Variants in PPIL4 observed in about 807,000 individuals in gnomAD.
PPIL4 encodes the protein peptidylprolyl isomerase like 4.
In PPIL4, 50 loss-of-function variants were observed where a neutral mutation model predicts 69.1. The ratio of observed to expected loss-of-function variants is 0.72; its 90% CI spans 0.58 to 0.92. PPIL4 has a LOEUF of 0.92. PPIL4 is among the 40% of genes least tolerant of loss of function. PPIL4 has a pLI of 0.00. For missense variants in PPIL4, 480 were observed against 587.9 expected (o/e 0.82, Z 1.90); for synonymous variants, 193 against 191.6 (o/e 1.01, Z -0.06).
chr6:149,521,134 T>C lies in PPIL4; in HGVS notation c.908A>G (p.Asn303Ser), dbSNP rs895653608. 3.7e-6 allele frequency: 6 copies of C among 1,604,150 alleles called. No homozygotes were observed. The highest frequency in any genetic ancestry group is 1.1e-5 in the South Asian group (1 of 89,344). Residue 303 changes from asparagine (N) to serine (S), a missense_variant, in exon 10 of 13, where the codon AAT (asparagine) becomes AGT (serine). Transcript: ENST00000253329. Reference protein sequence around the residue: ...DCEKAFFKMDNVLIDDRRIHV... With the variant: ...DCEKAFFKMDSVLIDDRRIHV... ...TATTCTTCTGTCATCTATAAGCACA[T>C]TGTCCATTTTGAAGAATGCTTTCTC...
intron 4 of PPIL4, among the ~76,000 whole-genome samples, chr6:149,537,646 C>T (rs1777298150): frequency 6.6e-6 from 1 of 151,300 alleles, no homozygotes; most frequent in African/African-American, 2.4e-5. Context: ...GTGGAGCTTG[C>T]AGTGAGCAGA....
At chr6:149,508,640 A>T (rs1776799343) in intron 12 of PPIL4, among the ~76,000 whole-genome samples, 1 of 152,194 alleles carries the variant, frequency 6.6e-6, no homozygotes, top group African/African-American at 2.4e-5. Flanking sequence ...AAGAATACAA[A>T]CACTATGAAA....
chr6:149,520,970 G>A lies in PPIL4; in HGVS notation c.982+90C>T, dbSNP rs1225280814. Reference sequence around the variant, plus strand: ...ACAGGTTGCAGTGAACCAAGATCGTGCCACTGCACTCCAGCCTGGGCAACA... The same window carrying A: ...ACAGGTTGCAGTGAACCAAGATCGTACCACTGCACTCCAGCCTGGGCAACA... On this transcript the variant is annotated intron_variant, in intron 10 of 12. Transcript: ENST00000253329. 3 of 690,090 alleles carry A rather than the reference G, an allele frequency of 4.3e-6. No individual in the cohort carries two copies. The African/African-American group carries it at 5.5e-5, about 13-fold the overall frequency. 42.7% of individuals were successfully genotyped at this position (690,090 alleles called of 1,614,324 possible).
intron 1 of PPIL4, among the ~76,000 whole-genome samples, chr6:149,543,604 C>A (rs958685308): frequency 7.2e-5 from 11 of 151,952 alleles, no homozygotes; most frequent in African/African-American, 2.7e-4. Flanking sequence ...ACAACTTTTT[C>A]TCTTTCCTTT....
At chr6:149,521,512 T>C (rs1777029928) in intron 9 of PPIL4, among the ~76,000 whole-genome samples, 1 of 152,202 alleles carries the variant, frequency 6.6e-6, no homozygotes, top group African/African-American at 2.4e-5. Context: ...TCCTTTTTAC[T>C]CAAAATTCAA....
chr6:149,512,746 CTTA>C (rs1032415273), intron 11 of PPIL4, among the ~76,000 whole-genome samples: 210 of 152,156 alleles, frequency 1.4e-3, no homozygotes, highest in African/African-American at 4.8e-3. Flanking sequence ...TTAAATTCTT[CTTA>C]TTATTTTTTT....
At chr6:149,541,463 A>C (rs1428912095) in intron 2 of PPIL4, 32 bp from the exon 3 acceptor site, 1 of 1,535,880 alleles carries the variant, frequency 6.5e-7, no homozygotes, top group African/African-American at 1.4e-5. Context: ...GTTAATTCAC[A>C]GAGTTTGTTA....
At chr6:149,507,727 G>A (rs1776788317) in intron 12 of PPIL4, among the ~76,000 whole-genome samples, 1 of 152,110 alleles carries the variant, frequency 6.6e-6, no homozygotes. Context: ...ATTTGAATTG[G>A]ACTGAAACTT....
At chr6:149,522,586 G>C (rs1053259815) in intron 9 of PPIL4, among the ~76,000 whole-genome samples, 1 of 152,030 alleles carries the variant, frequency 6.6e-6, no homozygotes, top group Non-Finnish European at 1.5e-5. Context: ...CATCAGTAGA[G>C]ACCTCAGAGA....
intron 9 of PPIL4, among the ~76,000 whole-genome samples, chr6:149,524,439 TAACTA>T (rs1320574894): frequency 1.3e-5 from 2 of 152,232 alleles, no homozygotes; most frequent in Non-Finnish European, 2.9e-5. Flanking sequence ...AAAGAACGGT[TAACTA>T]AACTGCCAAG....
chr6:149,528,382 A>G (rs1777141325), intron 7 of PPIL4, among the ~76,000 whole-genome samples: 1 of 152,248 alleles, frequency 6.6e-6, no homozygotes, highest in African/African-American at 2.4e-5. Flanking sequence ...AACTTGCTAT[A>G]GTACTTGGTC....
chr6:149,508,044 T>C (rs889620586), intron 12 of PPIL4, among the ~76,000 whole-genome samples: 5 of 152,224 alleles, frequency 3.3e-5, no homozygotes, highest in African/African-American at 1.2e-4. Flanking sequence ...TGAAGCCATG[T>C]AAGAGGAGAT....
chr6:149,535,612 G>C lies in PPIL4; in HGVS notation c.448C>G (p.Pro150Ala), dbSNP rs746933504. 1 of 1,611,656 alleles carries C rather than the reference G, an allele frequency of 6.2e-7. No homozygotes were observed. The highest frequency in any genetic ancestry group is 8.5e-7 in the Non-Finnish European group (1 of 1,178,620). Residue 150 changes from proline to alanine, a missense_variant, in exon 5 of 13, where the codon CCA becomes GCA. Coordinates refer to ENST00000253329, the MANE Select transcript of PPIL4 (RefSeq NM_139126.4). ...NETFVDKDFV[P>A]YQDIRINHTV... ...TAACCATACCTGATATCCTGATATG[G>C]TACAAAGTCCTTGTCAACAAAGGTC...
chr6:149,512,702 AGGAAATTCAGCAATGCATAT>A (rs1776871567), intron 11 of PPIL4, among the ~76,000 whole-genome samples: 1 of 152,202 alleles, frequency 6.6e-6, no homozygotes, highest in Non-Finnish European at 1.5e-5. Flanking sequence ...TTCAATCAAG[AGGAAATTCAGCAATGCATAT>A]CGAGTTATCA....
At chr6:149,536,246 C>T (rs1777273659) in intron 4 of PPIL4, among the ~76,000 whole-genome samples, 1 of 152,108 alleles carries the variant, frequency 6.6e-6, no homozygotes, top group South Asian at 2.1e-4. Flanking sequence ...CTCAGTGCTC[C>T]CTATTCCCCG....
chr6:149,545,845 G>T, intron 1 of PPIL4, 91 bp downstream of exon 1: 1 of 1,209,618 alleles, frequency 8.3e-7, no homozygotes, highest in Non-Finnish European at 1.2e-6. Flanking sequence ...TCGAGCTCTA[G>T]CCAATCTCTG....
chr6:149,533,502 T>G lies in PPIL4; in HGVS notation c.634A>C (p.Lys212Gln). 1 of 1,611,876 alleles carries G rather than the reference T, an allele frequency of 6.2e-7. No individual in the cohort carries two copies. Reference protein sequence around the residue: ...GRSAEEVEEIKAEKEAKTQAI... With the variant: ...GRSAEEVEEIQAEKEAKTQAI... Reference sequence around the variant, plus strand: ...TGAGTTTTAGCCTCTTTTTCTGCCTTTATTTCTTCTACTTCCTCAGCTGAT... The same window carrying G: ...TGAGTTTTAGCCTCTTTTTCTGCCTGTATTTCTTCTACTTCCTCAGCTGAT... Residue 212 changes from lysine (K) to glutamine (Q), a missense_variant, in exon 7 of 13, where the codon AAG (lysine) becomes CAG (glutamine). Transcript: ENST00000253329.
intron 12 of PPIL4, among the ~76,000 whole-genome samples, chr6:149,506,341 G>A (rs757192921): frequency 3.3e-5 from 5 of 152,184 alleles, no homozygotes; most frequent in South Asian, 2.1e-4. Flanking sequence ...GTGTGGGGAC[G>A]CATGCCTGTA....
intron 10 of PPIL4, among the ~76,000 whole-genome samples, chr6:149,520,736 G>A (rs1434893266): frequency 2.6e-5 from 4 of 152,058 alleles, no homozygotes; most frequent in East Asian, 1.9e-4. Flanking sequence ...AAACAAGGCC[G>A]GGCGCAGTGG....
Sources: gnomAD v4.1 joint callset for allele counts (sites outside exome capture counted in the v4.1 genomes callset) on GRCh38, gnomAD v4.1.1 for gene constraint, MANE v1.5 for transcripts, NCBI Gene and HGNC (gene_info 2026-07-23, HGNC 2026-07-21) for gene names.